Variants in SDC2 observed in about 807,000 individuals in gnomAD.
SDC2 encodes syndecan 2.
In SDC2, 13 loss-of-function variants were observed where a neutral mutation model predicts 22.2. The ratio of observed to expected loss-of-function variants is 0.59; its 90% confidence interval spans 0.38 to 0.93. The LOEUF (loss-of-function observed/expected upper bound fraction) is 0.93. SDC2 is among the 40% of genes least tolerant of loss of function. SDC2 has a pLI of 0.00. For missense variants in SDC2, 235 were observed against 246.8 expected (o/e 0.95, Z 0.32); for synonymous variants, 94 against 92.8 (o/e 1.01, Z -0.07).
chr8:96,507,090 T>C (rs1051544954), intron 1 of SDC2, among the ~76,000 whole-genome samples: 2 of 152,130 alleles, frequency 1.3e-5, no homozygotes, highest in African/African-American at 2.4e-5. Flanking sequence ...TGTATTCTTT[T>C]GGATTTTGCT....
At chr8:96,557,734 C>G (rs1029367971) in intron 1 of SDC2, among the ~76,000 whole-genome samples, 3 of 151,816 alleles carry the variant, frequency 2.0e-5, no homozygotes, top group Non-Finnish European at 4.4e-5. Flanking sequence ...ATGTAACTAA[C>G]CTGCACAATA....
intron 1 of SDC2, among the ~76,000 whole-genome samples, chr8:96,525,063 C>T (rs1336794952): frequency 6.6e-6 from 1 of 152,192 alleles, no homozygotes; most frequent in East Asian, 1.9e-4. Flanking sequence ...TCTGTACTTT[C>T]AGCTCATTCC....
At chr8:96,542,245 C>T (rs2651456) in intron 1 of SDC2, among the ~76,000 whole-genome samples, 126,721 of 152,140 alleles carry the variant, frequency 0.83, 53,206 homozygotes, top group Non-Finnish European at 0.9. Flanking sequence ...AGCTCTGCTC[C>T]TCCTCCTTGG....
chr8:96,588,782 T>G (rs1424776588), intron 1 of SDC2, among the ~76,000 whole-genome samples: 1 of 152,256 alleles, frequency 6.6e-6, no homozygotes, highest in Non-Finnish European at 1.5e-5. Flanking sequence ...TTTAATTATT[T>G]TGACCACTGT....
At chr8:96,600,873 G>GTGGTAAAA (rs1255367103) in intron 2 of SDC2, among the ~76,000 whole-genome samples, 2 of 152,152 alleles carry the variant, frequency 1.3e-5, no homozygotes, top group Non-Finnish European at 2.9e-5. Flanking sequence ...TTTGAGAGGG[G>GTGGTAAAA]TGGTAAAAGC....
chr8:96,544,231 C>CT (rs1813896990), intron 1 of SDC2, among the ~76,000 whole-genome samples: 1 of 152,132 alleles, frequency 6.6e-6, no homozygotes, highest in Non-Finnish European at 1.5e-5. Flanking sequence ...GTGTACTTAC[C>CT]TATCTGCAAA....
Position 96,602,472 on chromosome 8 carries a change from C to A in SDC2, c.250C>A (p.Pro84Thr). The A allele has an allele frequency of 6.2e-7, 1 of 1,614,090 alleles. No individual in the cohort carries two copies. The highest frequency in any genetic ancestry group is 8.5e-7 in the Non-Finnish European group (1 of 1,179,998). Residue 84 changes from proline (P) to threonine (T), a missense_variant, in exon 3 of 5, where the codon CCA becomes ACA. Pro to Thr is a conservative substitution (Grantham distance 38). Transcript: ENST00000302190. ...AAAGATACTGTTGACTAGTGCTGCT[C>A]CAAAAGTGGAAACCACGACGCTGAA... ...LPKILLTSAA[P>T]KVETTTLNIQ...
chr8:96,565,423 A>C (rs1814284441), intron 1 of SDC2, among the ~76,000 whole-genome samples: 1 of 152,104 alleles, frequency 6.6e-6, no homozygotes, highest in South Asian at 2.1e-4. Flanking sequence ...AAGATATCTC[A>C]GAGTCTTACA....
intron 1 of SDC2, among the ~76,000 whole-genome samples, chr8:96,574,012 C>A (rs1207601295): frequency 6.6e-6 from 1 of 151,588 alleles, no homozygotes; most frequent in Non-Finnish European, 1.5e-5. Context: ...TGACCCTATT[C>A]TCCCCCTGCC....
chr8:96,542,260 C>T (rs943976852), intron 1 of SDC2, among the ~76,000 whole-genome samples: 1 of 152,184 alleles, frequency 6.6e-6, no homozygotes, highest in Non-Finnish European at 1.5e-5. Flanking sequence ...CCTTGGTCTG[C>T]ACTTGTAAGG....
At chr8:96,571,266 C>T (rs1037783748) in intron 1 of SDC2, among the ~76,000 whole-genome samples, 4 of 152,038 alleles carry the variant, frequency 2.6e-5, no homozygotes, top group African/African-American at 4.8e-5. Context: ...TGAGAGGGAA[C>T]TGACCACACA....
chr8:96,574,221 G>T (rs1389977943), intron 1 of SDC2, among the ~76,000 whole-genome samples: 3 of 152,102 alleles, frequency 2.0e-5, no homozygotes, highest in Non-Finnish European at 2.9e-5. Context: ...TTTCTAAGGG[G>T]TTGGCAAGGC....
At chr8:96,495,296 C>A (rs1187859620) in intron 1 of SDC2, among the ~76,000 whole-genome samples, 12 of 152,342 alleles carry the variant, frequency 7.9e-5, no homozygotes, top group Admixed American at 3.3e-4. Flanking sequence ...CTTCCCTCCC[C>A]CGCCCTGGCG....
intron 1 of SDC2, among the ~76,000 whole-genome samples, chr8:96,504,083 G>T (rs1813204336): frequency 6.6e-6 from 1 of 152,198 alleles, no homozygotes; most frequent in African/African-American, 2.4e-5. Flanking sequence ...ATAACAATAT[G>T]ATCATCTCAA....
chr8:96,577,672 T>C (rs562000343), intron 1 of SDC2, among the ~76,000 whole-genome samples: 2 of 152,338 alleles, frequency 1.3e-5, no homozygotes, highest in African/African-American at 4.8e-5. Context: ...GTCGTGTATC[T>C]ACTATTATAT....
chr8:96,598,847 G>A (rs1480996941), intron 2 of SDC2, among the ~76,000 whole-genome samples: 1 of 151,888 alleles, frequency 6.6e-6, no homozygotes, highest in Non-Finnish European at 1.5e-5. Context: ...GTGGGGCTTC[G>A]AGATTTCTGG....
Position 96,575,638 on chromosome 8 carries a change from AGTTCT to A in SDC2, c.61-17833_61-17829del, listed in dbSNP as rs1318897013. 4.6e-5 allele frequency among the ~76,000 whole-genome samples: 7 copies of A among 152,134 alleles called. No individual in the cohort carries two copies. The South Asian group carries it at 1.0e-3, about 23-fold the overall frequency. On this transcript the variant is annotated intron_variant, in intron 1 of 4. Coordinates refer to ENST00000302190, the MANE Select transcript of SDC2 (RefSeq NM_002998.4). ...GGATGGCAGTAGGAGCCAAGTTCTG[AGTTCT>A]GTTCTGTTGACATAACTGTTGAATC...
chr8:96,575,496 G>A (rs1207804691), intron 1 of SDC2, among the ~76,000 whole-genome samples: 1 of 152,186 alleles, frequency 6.6e-6, no homozygotes, highest in African/African-American at 2.4e-5. Flanking sequence ...CAGATCATAA[G>A]TGTACAGTTT....
chr8:96,525,487 G>A (rs1260669268), intron 1 of SDC2, among the ~76,000 whole-genome samples: 1 of 152,136 alleles, frequency 6.6e-6, no homozygotes, highest in African/African-American at 2.4e-5. Context: ...GGCTTACTTT[G>A]TGCGTTGCTT....
Sources: allele counts gnomAD v4.1 joint callset (sites outside exome capture counted in the v4.1 genomes callset), GRCh38; gene constraint gnomAD v4.1.1; transcripts MANE v1.5; gene names NCBI Gene and HGNC (gene_info 2026-07-23, HGNC 2026-07-21).